ECM1: variants seen among roughly 807,000 people sequenced by gnomAD.
The protein encoded by ECM1 is secretory component p85.
Under a neutral mutation model 57.9 loss-of-function variants are expected in ECM1, and 54 were observed. The observed-to-expected ratio is 0.93, with a 90% CI of 0.75 to 1.17. The LOEUF (loss-of-function observed/expected upper bound fraction) is 1.17, where lower values mean the gene tolerates loss of function less well. ECM1 is among the 50% of genes most tolerant of loss of function. The pLI is 0.00. For synonymous variants in ECM1, 237 were observed against 259.1 expected, an observed-to-expected ratio of 0.91 and a Z score of 0.82; for missense variants, 649 against 688.1, an observed-to-expected ratio of 0.94 and a Z score of 0.64.
At position 150,511,915 on chromosome 1, in the gene ECM1, A is replaced by G. The variant is rs587720445; in HGVS notation, c.1083+84A>G. The G allele has an allele frequency of 1.0e-5, 15 of 1,454,156 alleles. No individual in the cohort carries two copies. The South Asian group carries it at 1.5e-4, about 14-fold the overall frequency. The allele number at this position is 1,454,156 out of a possible 1,614,324, so 90.1% of individuals were successfully genotyped here. Reference sequence around the variant, plus strand: ...TCTGATCCTGCCAGTCCATCCATCCATGTACCCCCCCTGCTGTGAGTGCGT... The same window carrying G: ...TCTGATCCTGCCAGTCCATCCATCCGTGTACCCCCCCTGCTGTGAGTGCGT... On this transcript the variant is annotated intron_variant, in intron 7 of 9. Coordinates refer to ENST00000369047, the MANE Select transcript of ECM1 (RefSeq NM_004425.4).
intron 7 of ECM1, 116 bp downstream of exon 7, chr1:150,511,947 G>A (rs1182278396): frequency 1.7e-5 from 23 of 1,363,180 alleles, no homozygotes; most frequent in Non-Finnish European, 2.0e-5. Flanking sequence ...GCGTCCACCC[G>A]TTCATCTGCT....
At chr1:150,510,770 C>T in intron 5 of ECM1, 106 bp from the exon 6 acceptor site, 1 of 1,169,290 alleles carries the variant, frequency 8.6e-7, no homozygotes, top group Non-Finnish European at 1.3e-6. Flanking sequence ...ACTATATCCT[C>T]CCAACCCTTT....
chr1:150,510,649 A>T, intron 5 of ECM1: 1 of 618,766 alleles, frequency 1.6e-6, no homozygotes, highest in Non-Finnish European at 2.9e-6. Flanking sequence ...GAGCCTTGAG[A>T]AGCAGGAGGA....
In ECM1 at chr1:150,509,538, G is replaced by C. The variant is rs200429908; in HGVS notation, c.78G>C (p.Thr26=). Reference sequence around the variant, plus strand: ...TGCCCTTCTTCCCTCCAGGCTTCACGGCTACAGGACAGAGGCAGCTGAGGC... The same window carrying C: ...TGCCCTTCTTCCCTCCAGGCTTCACCGCTACAGGACAGAGGCAGCTGAGGC... ...VASAASEGGF[T]ATGQRQLRPE... The change falls in exon 2 of 10, where the codon ACG becomes ACC. Residue 26 remains threonine, a synonymous_variant. Transcript: ENST00000369047. 4 of 1,614,064 alleles carry C rather than the reference G, an allele frequency of 2.5e-6. No individual in the cohort carries two copies. The African/African-American group carries it at 4.0e-5, about 16-fold the overall frequency.
intron 1 of ECM1, chr1:150,509,265 A>G (rs1286697248): frequency 3.6e-6 from 2 of 557,558 alleles, no homozygotes; most frequent in Non-Finnish European, 6.5e-6. Context: ...CCAATCCCGT[A>G]TGCCATACTC....
intron 9 of ECM1, 68 bp from the exon 10 acceptor site, chr1:150,513,169 A>C: frequency 1.3e-6 from 2 of 1,532,036 alleles, no homozygotes; most frequent in Non-Finnish European, 1.8e-6. Context: ...TTTGGCACCC[A>C]AGTATCTACA....
chr1:150,508,124 C>G lies in ECM1; in HGVS notation c.-86C>G. On this transcript the variant is annotated 5_prime_UTR_variant, in exon 1 of 10. Transcript: ENST00000369047. The stretch of plus-strand genomic sequence containing the variant: ...TGAAGCTCACAACCGTAACAGCCAC[C>G]AGACAAGCTTCAGTGGCCGGCCCTT... 1 of 1,273,098 alleles carries G rather than the reference C, an allele frequency of 7.9e-7. No homozygotes were observed. Among genetic ancestry groups the G allele is most frequent in the South Asian group, 1.2e-5 (1 of 84,102 alleles). 78.9% of individuals were successfully genotyped at this position (1,273,098 alleles called of 1,614,324 possible).
Position 150,512,768 on chromosome 1 carries a change from T to C in ECM1, c.1348T>C (p.Cys450Arg), listed in dbSNP as rs1410160825. Residue 450 changes from cysteine to arginine, a missense_variant, in exon 9 of 10, where the codon TGT (cysteine) becomes CGT (arginine). Physicochemically the swap from Cys to Arg is radical, Grantham distance 180. Transcript: ENST00000369047. Reference protein sequence around the residue: ...GLIHNMTARCCDLPFPEQACC... With the variant: ...GLIHNMTARCRDLPFPEQACC... ...GATCCACAACATGACTGCCCGCTGC[T>C]GTGACCTGCCATTTCCAGAACAGGC... The C allele has an allele frequency of 6.2e-7, 1 of 1,614,198 alleles. No homozygotes were observed.
In ECM1 at chr1:150,512,741, C is replaced by T; in HGVS notation, c.1321C>T (p.Leu441=). The change falls in exon 9 of 10, where the codon CTG becomes TTG. Residue 441 remains leucine (L), a synonymous_variant. Coordinates refer to ENST00000369047, the MANE Select transcript of ECM1 (RefSeq NM_004425.4). ...VLTKHKHIPG[L]IHNMTARCCD... Reference sequence around the variant, plus strand: ...CCAACATAGTAAACATATTCCTGGGCTGATCCACAACATGACTGCCCGCTG... The same window carrying T: ...CCAACATAGTAAACATATTCCTGGGTTGATCCACAACATGACTGCCCGCTG... 1 of 1,614,148 alleles carries T rather than the reference C, an allele frequency of 6.2e-7. No individual in the cohort carries two copies. The highest frequency in any genetic ancestry group is 8.5e-7 in the Non-Finnish European group (1 of 1,180,028).
In ECM1 at chr1:150,511,001, C is replaced by T. The variant is rs545972995; in HGVS notation, c.511C>T (p.Arg171Trp). The change falls in exon 6 of 10, where the codon CGG (arginine) becomes TGG (tryptophan). Residue 171 changes from arginine to tryptophan, a missense_variant. Transcript: ENST00000369047. Reference sequence around the variant, plus strand: ...CCGGCTGGATGGCTTCCCCCCTGGGCGGCCTTCTCCAGACAATCTGAACCA... The same window carrying T: ...CCGGCTGGATGGCTTCCCCCCTGGGTGGCCTTCTCCAGACAATCTGAACCA... ...GHRLDGFPPG[R>W]PSPDNLNQIC... The T allele has an allele frequency of 2.7e-5, 43 of 1,614,144 alleles. No homozygotes were observed. Among genetic ancestry groups the T allele is most frequent in the Non-Finnish European group, 3.0e-5 (35 of 1,180,004 alleles).
rs771193355 is a variant in ECM1, at chr1:150,509,995, A to G, written c.297A>G (p.Glu99=). ...EKLLPAQLPA[E]KEVGPPLPQE... ...TGCTACCTGCCCAACTCCCTGCTGA[A>G]AAGGAAGGTGAGCGCTTGCCCACCC... Residue 99 remains glutamate (E), a synonymous_variant, in exon 4 of 10, where the codon GAA becomes GAG. Transcript: ENST00000369047. 2 of 1,614,108 alleles carry G rather than the reference A, an allele frequency of 1.2e-6. No individual in the cohort carries two copies. Among genetic ancestry groups the G allele is most frequent in the Middle Eastern group, 1.6e-4 (1 of 6,062 alleles).
At position 150,511,617 on chromosome 1, in the gene ECM1, A is replaced by T. The variant is rs368554930; in HGVS notation, c.869A>T (p.Asp290Val). The change falls in exon 7 of 10, where the codon GAT (aspartate) becomes GTT (valine). Residue 290 changes from aspartate (D) to valine (V), a missense_variant. By Grantham distance (152) the Asp-to-Val change is radical. Coordinates refer to ENST00000369047, the MANE Select transcript of ECM1 (RefSeq NM_004425.4). ...QLRACPSHQP[D>V]ISSGLELPFP... ...CGGGCCTGCCCCAGCCATCAGCCTGATATTTCCTCGGGTCTTGAGCTGCCT... is the reference window on the plus strand; with the variant it reads ...CGGGCCTGCCCCAGCCATCAGCCTGTTATTTCCTCGGGTCTTGAGCTGCCT... The T allele has an allele frequency of 6.2e-7, 1 of 1,614,072 alleles. No individual in the cohort carries two copies. Among genetic ancestry groups the T allele is most frequent in the Non-Finnish European group, 8.5e-7 (1 of 1,180,012 alleles).
intron 9 of ECM1, 89 bp from the exon 10 acceptor site, chr1:150,513,148 G>A: frequency 7.2e-7 from 1 of 1,384,496 alleles, no homozygotes. Flanking sequence ...AGAAGCTGAT[G>A]AAAGGGGGAC....
Position 150,511,533 on chromosome 1 carries a change from A to AG in ECM1, c.790dup (p.Glu264GlyfsTer27). 6.2e-7 allele frequency: 1 copy of AG among 1,614,164 alleles called. No individual in the cohort carries two copies. The highest frequency in any genetic ancestry group is 8.5e-7 in the Non-Finnish European group (1 of 1,180,016). ...CGACCCCACTGGTGCTGCACGCGGC[A>AG]GGGGGAGGCTCGGTTCTCCTGCTTC... is the stretch of plus-strand genomic sequence containing the variant. On this transcript the variant is annotated frameshift_variant, in exon 7 of 10. Transcript: ENST00000369047. LOFTEE classifies it high-confidence loss of function.
rs746025154 is a variant in ECM1, at chr1:150,511,768, G to C, written c.1020G>C (p.Gln340His). 1.1e-5 allele frequency: 18 copies of C among 1,613,626 alleles called. No homozygotes were observed. The change falls in exon 7 of 10, where the codon CAG (glutamine) becomes CAC (histidine). Residue 340 changes from glutamine to histidine, a missense_variant. Physicochemically the swap from Gln to His is conservative, Grantham distance 24. Coordinates refer to ENST00000369047, the MANE Select transcript of ECM1 (RefSeq NM_004425.4). ...PLQRELLALIQLEREFQRCCR... is the reference protein window; with the variant it reads ...PLQRELLALIHLEREFQRCCR... The stretch of plus-strand genomic sequence containing the variant: ...AAAGGGAGCTGCTGGCACTGATCCA[G>C]CTGGAGAGGGAGTTCCAGCGCTGCT...
intron 7 of ECM1, 140 bp from the exon 8 acceptor site, chr1:150,512,212 C>T (rs1022597765): frequency 1.1e-6 from 1 of 943,402 alleles, no homozygotes; most frequent in Non-Finnish European, 1.7e-6. Flanking sequence ...CCTCCTAACC[C>T]TCTACTTTTT....
intron 5 of ECM1, 172 bp downstream of exon 5, chr1:150,510,354 C>T (rs1267825562): frequency 1.5e-6 from 1 of 669,178 alleles, no homozygotes; most frequent in African/African-American, 1.8e-5. Context: ...TGAGGATATA[C>T]CTGTTTTAGA....
Position 150,512,386 on chromosome 1 carries a change from A to C in ECM1, c.1118A>C (p.Glu373Ala). 1.2e-6 allele frequency: 2 copies of C among 1,613,100 alleles called. No individual in the cohort carries two copies. Among genetic ancestry groups the C allele is most frequent in the Non-Finnish European group, 1.7e-6 (2 of 1,179,860 alleles). ...EDTLDKYCDR[E>A]YAVKTHHHLC... The stretch of plus-strand genomic sequence containing the variant: ...ACCCTTGACAAATACTGTGACCGGG[A>C]GTATGCTGTGAAGACCCACCACCAC... Residue 373 changes from glutamate (E) to alanine (A), a missense_variant, in exon 8 of 10, where the codon GAG (glutamate) becomes GCG (alanine). Transcript: ENST00000369047.
rs200429908 is a variant in ECM1 at position 150,509,538 on chromosome 1, G to T, written c.78G>T (p.Thr26=). 1.9e-6 allele frequency: 3 copies of T among 1,614,064 alleles called. No homozygotes were observed. The highest frequency in any genetic ancestry group is 2.5e-6 in the Non-Finnish European group (3 of 1,180,020). ...VASAASEGGF[T]ATGQRQLRPE... ...TGCCCTTCTTCCCTCCAGGCTTCAC[G>T]GCTACAGGACAGAGGCAGCTGAGGC... is the stretch of plus-strand genomic sequence containing the variant. The change falls in exon 2 of 10, where the codon ACG becomes ACT. Residue 26 remains threonine (T), a synonymous_variant. Transcript: ENST00000369047.
Sources: allele counts gnomAD v4.1 joint callset, GRCh38; gene constraint gnomAD v4.1.1; transcripts MANE v1.5; gene names NCBI Gene and HGNC (gene_info 2026-07-23, HGNC 2026-07-21).